BICD1: variants seen among roughly 807,000 people sequenced by gnomAD.
BICD1 encodes protein bicaudal D homolog 1.
Under a neutral mutation model 92.5 loss-of-function variants are expected in BICD1, and 35 were observed. That is an observed-to-expected ratio of 0.38 (90% CI 0.29 to 0.50). BICD1 has a LOEUF of 0.50. Ranked by LOEUF, BICD1 falls within the 20% of genes least tolerant of loss-of-function variation. The pLI is 0.93. For synonymous variants in BICD1, 429 were observed against 465.1 expected, an observed-to-expected ratio of 0.92 and a Z score of 1.00; for missense variants, 950 against 1,189.8, an observed-to-expected ratio of 0.80 and a Z score of 2.97.
At chr12:32,177,862 C>A (rs1457933438) in intron 1 of BICD1, among the ~76,000 whole-genome samples, 1 of 146,996 alleles carries the variant, frequency 6.8e-6, no homozygotes, top group African/African-American at 2.5e-5. Flanking sequence ...AATATTGGAA[C>A]CAGCATAAAG....
chr12:32,260,480 C>T (rs187141807), intron 2 of BICD1, among the ~76,000 whole-genome samples: 7 of 152,236 alleles, frequency 4.6e-5, no homozygotes, highest in African/African-American at 1.7e-4. Flanking sequence ...TTTTACATTG[C>T]TACCAAGGAC....
At chr12:32,151,021 G>A (rs1943272026) in intron 1 of BICD1, among the ~76,000 whole-genome samples, 1 of 152,116 alleles carries the variant, frequency 6.6e-6, no homozygotes, top group Non-Finnish European at 1.5e-5. Flanking sequence ...AAAAATGTAG[G>A]ATCCACTGGC....
intron 5 of BICD1, among the ~76,000 whole-genome samples, chr12:32,333,482 T>C (rs1322804386): frequency 6.6e-6 from 1 of 151,942 alleles, no homozygotes; most frequent in African/African-American, 2.4e-5. Context: ...ATATGAAGGT[T>C]TGAAGCTGCC....
rs1941701437 is a variant in BICD1 at position 32,111,723 on chromosome 12, T to C, written c.213+4179T>C. 7.2e-5 allele frequency among the ~76,000 whole-genome samples: 11 copies of C among 152,038 alleles called. No homozygotes were observed. The South Asian group carries it at 2.1e-3, about 29-fold the overall frequency. Reference sequence around the variant, plus strand: ...CCCGGGTTCACGCCATTCTCCTGCCTCAGCCTCCGGAGTAGCTGAGACTAC... The same window carrying C: ...CCCGGGTTCACGCCATTCTCCTGCCCCAGCCTCCGGAGTAGCTGAGACTAC... On this transcript the variant is annotated intron_variant, in intron 1 of 9. Coordinates refer to ENST00000652176, the MANE Select transcript of BICD1 (RefSeq NM_001714.4).
intron 1 of BICD1, among the ~76,000 whole-genome samples, chr12:32,121,002 G>C (rs2458120): frequency 0.85 from 123,186 of 145,322 alleles, 52,407 homozygotes; most frequent in African/African-American, 0.92. Context: ...GGAGTCTCGC[G>C]CTATTGCCCA....
chr12:32,373,115 C>T (rs1247650406), intron 9 of BICD1, among the ~76,000 whole-genome samples: 3 of 152,026 alleles, frequency 2.0e-5, no homozygotes, highest in African/African-American at 4.8e-5. Context: ...GAAGATGTAT[C>T]CAATTTTATA....
intron 9 of BICD1, among the ~76,000 whole-genome samples, chr12:32,370,521 C>G (rs901599): frequency 0.37 from 55,807 of 151,924 alleles, 10,508 homozygotes; most frequent in African/African-American, 0.42. Flanking sequence ...AGCCCTTACC[C>G]CAAGGCCTGG....
In BICD1 at chr12:32,223,516, CAAA is replaced by C. The variant is rs60536204; in HGVS notation, c.426+7075_426+7077del. On this transcript the variant is annotated intron_variant, in intron 2 of 9. Coordinates refer to ENST00000652176, the MANE Select transcript of BICD1 (RefSeq NM_001714.4). ...TGAGTAACAGAAAGAGACTTTGTCT[CAAA>C]AAAAAAAAAAAAAAAAAGAATCAAA... 2.8e-3 allele frequency among the ~76,000 whole-genome samples: 286 copies of C among 103,384 alleles called. 1 individual carries two copies. The highest frequency in any genetic ancestry group is 9.2e-3 in the African/African-American group (251 of 27,290). 67.8% of individuals were successfully genotyped at this position (103,384 alleles called of 152,430 possible).
At chr12:32,190,556 A>T (rs1465986880) in intron 1 of BICD1, among the ~76,000 whole-genome samples, 1 of 152,250 alleles carries the variant, frequency 6.6e-6, no homozygotes, top group Non-Finnish European at 1.5e-5. Flanking sequence ...TATAACAATT[A>T]TAAATATATG....
At chr12:32,348,724 AT>A (rs1225729337) in intron 8 of BICD1, among the ~76,000 whole-genome samples, 1,524 of 5,336 alleles carry the variant, frequency 0.29, 35 homozygotes, top group Middle Eastern at 0.5. Flanking sequence ...TCACACAAAA[AT>A]ATATATATAT....
At chr12:32,370,285 T>C (rs1352847740) in intron 9 of BICD1, among the ~76,000 whole-genome samples, 1 of 151,624 alleles carries the variant, frequency 6.6e-6, no homozygotes, top group African/African-American at 2.4e-5. Context: ...GAGAATCACT[T>C]GAACCTGGGA....
Position 32,378,446 on chromosome 12 carries a change from A to G in BICD1, c.*819A>G, listed in dbSNP as rs1940062452. 6.6e-6 allele frequency: 1 copy of G among 152,108 alleles called. No individual in the cohort carries two copies. The highest frequency in any genetic ancestry group is 2.4e-5 in the African/African-American group (1 of 41,428). The allele number at this position is 152,108 out of a possible 1,614,324, so 9.4% of individuals were successfully genotyped here. A position where few individuals can be genotyped will look rare whatever the true frequency, so the allele number is the denominator to read the frequency against. On this transcript the variant is annotated 3_prime_UTR_variant, in exon 10 of 10. Transcript: ENST00000652176. ...ATCTTTACTTTTATTTTTTCATTGC[A>G]GTTGAGTAGATGTACTGGTGCTGCT...
chr12:32,131,721 G>A (rs894407316), intron 1 of BICD1, among the ~76,000 whole-genome samples: 3 of 152,120 alleles, frequency 2.0e-5, no homozygotes, highest in Non-Finnish European at 2.9e-5. Flanking sequence ...ATTCCTGATC[G>A]TAAATAAGAA....
intron 2 of BICD1, among the ~76,000 whole-genome samples, chr12:32,256,502 T>C (rs888645369): frequency 6.6e-6 from 1 of 152,314 alleles, no homozygotes; most frequent in South Asian, 2.1e-4. Context: ...AGAGCTGAGA[T>C]TTACCCAGTT....
intron 1 of BICD1, among the ~76,000 whole-genome samples, chr12:32,124,189 A>C (rs1255834256): frequency 6.6e-6 from 1 of 152,222 alleles, no homozygotes; most frequent in Non-Finnish European, 1.5e-5. Flanking sequence ...TCTGTTATTC[A>C]TTTATTTATT....
chr12:32,278,725 G>C (rs373191688), intron 2 of BICD1, among the ~76,000 whole-genome samples: 1 of 152,110 alleles, frequency 6.6e-6, no homozygotes, highest in African/African-American at 2.4e-5. Flanking sequence ...GCGTGTTGGC[G>C]GGCGCCTGTA....
intron 9 of BICD1, among the ~76,000 whole-genome samples, chr12:32,368,916 G>C (rs1367888352): frequency 7.9e-5 from 12 of 151,978 alleles, no homozygotes; most frequent in Non-Finnish European, 1.5e-5. Flanking sequence ...CCTGTCTCTA[G>C]ATAAATAGAT....
chr12:32,144,298 T>C (rs1211914681), intron 1 of BICD1, among the ~76,000 whole-genome samples: 1 of 152,214 alleles, frequency 6.6e-6, no homozygotes, highest in Non-Finnish European at 1.5e-5. Flanking sequence ...TTGAATTGCA[T>C]ATATAGAGGC....
intron 1 of BICD1, among the ~76,000 whole-genome samples, chr12:32,203,184 A>G (rs1049398244): frequency 1.3e-5 from 2 of 152,226 alleles, no homozygotes; most frequent in African/African-American, 4.8e-5. Flanking sequence ...TTCATACACA[A>G]AAATCAATTT....
Sources: allele counts gnomAD v4.1 joint callset (sites outside exome capture counted in the v4.1 genomes callset), GRCh38; gene constraint gnomAD v4.1.1; transcripts MANE v1.5; gene names NCBI Gene and HGNC (gene_info 2026-07-23, HGNC 2026-07-21).